The following STPG2 variants were observed in gnomAD, a reference collection of about 807,000 sequenced individuals.
The protein encoded by STPG2 is sperm-tail PG-rich repeat-containing protein 2.
A neutral mutation model predicts 54.2 loss-of-function variants in STPG2; 56 were observed. That is an observed-to-expected ratio of 1.03 (90% CI 0.83 to 1.29). The LOEUF (loss-of-function observed/expected upper bound fraction) is 1.29. STPG2 is among the 50% of genes most tolerant of loss of function. The pLI is 0.00. For missense variants in STPG2, 596 were observed against 544.9 expected (o/e 1.09, Z -0.93); for synonymous variants, 200 against 181.8 (o/e 1.10, Z -0.81).
chr4:97,924,308 T>C (rs1281271435), intron 8 of STPG2, among the ~76,000 whole-genome samples: 1 of 152,216 alleles, frequency 6.6e-6, no homozygotes, highest in African/African-American at 2.4e-5. Flanking sequence ...CACAATAGGA[T>C]GTTACTTAAT....
chr4:97,587,251 T>G (rs1436451703), intron 10 of STPG2, among the ~76,000 whole-genome samples: 1 of 151,952 alleles, frequency 6.6e-6, no homozygotes, highest in Non-Finnish European at 1.5e-5. Flanking sequence ...TTTCAAATAT[T>G]AAAGTAATTA....
chr4:97,734,223 T>C (rs1724898403), intron 9 of STPG2, among the ~76,000 whole-genome samples: 1 of 152,246 alleles, frequency 6.6e-6, no homozygotes. Context: ...TAAAAGGATA[T>C]TGAATTTTCT....
In STPG2 at chr4:97,907,075, T is replaced by C. The variant is rs181850983; in HGVS notation, c.1044+36822A>G. ...TCAATTAGGAAAAGAGGAAGTCAAA[T>C]TGTCCCTGTTTGCAGACGACATGAT... is the stretch of plus-strand genomic sequence containing the variant. On this transcript the variant is annotated intron_variant, in intron 8 of 10. Transcript: ENST00000295268. 8.2e-3 allele frequency among the ~76,000 whole-genome samples: 1,248 copies of C among 152,044 alleles called. 7 individuals are homozygous for C. Among genetic ancestry groups the C allele is most frequent in the Non-Finnish European group, 0.013 (913 of 67,998 alleles).
At chr4:97,938,379 C>G (rs747046505) in intron 8 of STPG2, among the ~76,000 whole-genome samples, 2 of 152,196 alleles carry the variant, frequency 1.3e-5, no homozygotes, top group Non-Finnish European at 2.9e-5. Flanking sequence ...CTTAGGCAGC[C>G]GGCAGCTGCA....
chr4:97,801,968 C>CA (rs1181381633), intron 9 of STPG2, among the ~76,000 whole-genome samples: 1 of 152,186 alleles, frequency 6.6e-6, no homozygotes, highest in African/African-American at 2.4e-5. Flanking sequence ...CTCAAACTAG[C>CA]ATGCATTAGA....
At chr4:97,652,373 A>T (rs747500852) in intron 10 of STPG2, among the ~76,000 whole-genome samples, 2 of 151,852 alleles carry the variant, frequency 1.3e-5, no homozygotes, top group African/African-American at 2.4e-5. Context: ...AAGAGATTTC[A>T]CCTTTAAAAT....
At position 97,539,215 on chromosome 4, in the gene STPG2, A is replaced by G. The variant is rs527954344; in HGVS notation, c.462+173484T>C. On this transcript the variant is annotated intron_variant, in intron 4 of 4. Transcript: ENST00000522676. ...CAATATTAACCTTAAATGTAAATGGACTAAATGCTCCAATTAAAAGACACA... is the reference window on the plus strand; with the variant it reads ...CAATATTAACCTTAAATGTAAATGGGCTAAATGCTCCAATTAAAAGACACA... Among the ~76,000 whole-genome samples, 898 of 152,304 alleles carry G rather than the reference A, an allele frequency of 5.9e-3. 5 individuals are homozygous for G. Among genetic ancestry groups the G allele is most frequent in the Non-Finnish European group, 9.2e-3 (624 of 68,006 alleles).
intron 4 of STPG2, among the ~76,000 whole-genome samples, chr4:97,540,022 T>C (rs1340894831): frequency 6.6e-6 from 1 of 151,986 alleles, no homozygotes; most frequent in African/African-American, 2.4e-5. Context: ...CAAGAGAAAG[T>C]GGCAAAGAAC....
intron 10 of STPG2, among the ~76,000 whole-genome samples, chr4:97,706,609 CAT>C (rs1723950801): frequency 6.6e-6 from 1 of 152,138 alleles, no homozygotes; most frequent in South Asian, 2.1e-4. Flanking sequence ...CCAACTCAGA[CAT>C]AGAGAGAATG....
intron 5 of STPG2, among the ~76,000 whole-genome samples, chr4:98,025,159 A>C (rs1030588781): frequency 6.6e-6 from 1 of 152,242 alleles, no homozygotes; most frequent in Non-Finnish European, 1.5e-5. Context: ...GGATTAATTA[A>C]TACAGCTGGC....
intron 4 of STPG2, among the ~76,000 whole-genome samples, chr4:97,528,541 C>T (rs1209311103): frequency 6.6e-6 from 1 of 152,058 alleles, no homozygotes; most frequent in Non-Finnish European, 1.5e-5. Flanking sequence ...TTAAGAAAGC[C>T]AATGGTACCT....
rs565836378 is a variant in STPG2, at chr4:97,472,026, G to A, written c.462+240673C>T. ...GAGAACATTTATGTGCATATTGAGT[G>A]TGAACAGTACTTTGTAAGAAGCTTA... On this transcript the variant is annotated intron_variant, in intron 4 of 4. Coordinates refer to the STPG2 transcript ENST00000522676. Among the ~76,000 whole-genome samples the A allele has an allele frequency of 2.0e-5, 3 of 152,294 alleles. No homozygotes were observed. The South Asian group carries it at 6.2e-4, about 32-fold the overall frequency.
chr4:97,669,745 G>A (rs1180347499), intron 10 of STPG2, among the ~76,000 whole-genome samples: 1 of 27,892 alleles, frequency 3.6e-5, no homozygotes, highest in Non-Finnish European at 6.5e-5. Context: ...GCAGTGAGCC[G>A]AGATTGCGCC....
At chr4:97,849,766 A>G (rs533590034) in intron 8 of STPG2, among the ~76,000 whole-genome samples, 104 of 151,654 alleles carry the variant, frequency 6.9e-4, no homozygotes, top group African/African-American at 2.4e-3. Flanking sequence ...AAAAGTCAGG[A>G]AACAACAGGT....
At chr4:97,611,858 G>A (rs1405241185) in intron 10 of STPG2, among the ~76,000 whole-genome samples, 1 of 151,756 alleles carries the variant, frequency 6.6e-6, no homozygotes, top group Non-Finnish European at 1.5e-5. Flanking sequence ...TTAAAAAGAG[G>A]AGAAAATGTA....
chr4:97,766,451 C>G (rs997570158), intron 9 of STPG2, among the ~76,000 whole-genome samples: 1 of 151,968 alleles, frequency 6.6e-6, no homozygotes, highest in Non-Finnish European at 1.5e-5. Flanking sequence ...AATAAAAATA[C>G]TAATGAGTAC....
At chr4:98,064,619 G>A (rs147976324) in intron 5 of STPG2, among the ~76,000 whole-genome samples, 3 of 152,158 alleles carry the variant, frequency 2.0e-5, no homozygotes, top group East Asian at 3.9e-4. Flanking sequence ...TGGCTTTCAG[G>A]TATTCATAAA....
At chr4:97,444,399 A>G (rs192328660) in intron 4 of STPG2, among the ~76,000 whole-genome samples, 20 of 152,204 alleles carry the variant, frequency 1.3e-4, no homozygotes, top group Non-Finnish European at 2.6e-4. Context: ...TTGTAAAAGC[A>G]GTCAGATAAA....
At chr4:97,979,150 C>T (rs1245894217) in intron 6 of STPG2, among the ~76,000 whole-genome samples, 2 of 152,006 alleles carry the variant, frequency 1.3e-5, no homozygotes, top group Admixed American at 6.6e-5. Flanking sequence ...TTATAAGAAT[C>T]GTATCATCTT....
Sources: allele counts gnomAD v4.1 joint callset (sites outside exome capture counted in the v4.1 genomes callset), GRCh38; gene constraint gnomAD v4.1.1; transcripts MANE v1.5; gene names NCBI Gene and HGNC (gene_info 2026-07-23, HGNC 2026-07-21).